Variants in NELL1 observed in about 807,000 individuals in gnomAD.
NELL1 encodes neural EGFL like 1.
Under a neutral mutation model 107.4 loss-of-function variants are expected in NELL1, and 76 were observed. The observed-to-expected ratio is 0.71, with a 90% CI of 0.59 to 0.86. The LOEUF is 0.86. Ranked by LOEUF, NELL1 falls within the 40% of genes least tolerant of loss-of-function variation. The pLI is 0.00. For missense variants in NELL1, 1,024 were observed against 1,005.5 expected, an observed-to-expected ratio of 1.02 and a Z score of -0.25; for synonymous variants, 353 against 341.2, an observed-to-expected ratio of 1.03 and a Z score of -0.38.
chr11:20,986,057 GT>G lies in NELL1; in HGVS notation c.1300+25506del, dbSNP rs891894366. Among the ~76,000 whole-genome samples the G allele has an allele frequency of 1.9e-4, 29 of 150,690 alleles. No individual in the cohort carries two copies. In the East Asian group the frequency reaches 3.3e-3, roughly 17 times the overall value. On this transcript the variant is annotated intron_variant, in intron 12 of 19. Transcript: ENST00000357134. ...ATGAGCTACACTTGATATGAAGTTT[GT>G]TTTTTTTTGGCTCACAGGCACTTTG...
intron 15 of NELL1, among the ~76,000 whole-genome samples, chr11:21,449,014 G>A (rs373962709): frequency 6.6e-6 from 1 of 152,032 alleles, no homozygotes; most frequent in South Asian, 2.1e-4. Context: ...AATCTGCTAC[G>A]AGTATTAATA....
At chr11:21,085,485 A>T (rs892342773) in intron 12 of NELL1, among the ~76,000 whole-genome samples, 1 of 152,154 alleles carries the variant, frequency 6.6e-6, no homozygotes, top group Non-Finnish European at 1.5e-5. Flanking sequence ...AATCTTAAAA[A>T]ATTAGCCAGT....
intron 15 of NELL1, among the ~76,000 whole-genome samples, chr11:21,430,409 A>G (rs1429265379): frequency 1.3e-5 from 2 of 152,104 alleles, no homozygotes; most frequent in South Asian, 2.1e-4. Context: ...TCTTATAAGC[A>G]TCTTTTTTCT....
At chr11:21,395,956 G>C (rs970924861) in intron 15 of NELL1, among the ~76,000 whole-genome samples, 2 of 151,514 alleles carry the variant, frequency 1.3e-5, no homozygotes, top group Non-Finnish European at 3.0e-5. Flanking sequence ...ATGTAACCTA[G>C]AGAGACCAAG....
In NELL1 at chr11:21,374,887, CTGTGTGTGT is replaced by C. The variant is rs1405002634; in HGVS notation, c.1645+3940_1645+3948del. ...GCTGTGTGGAACTGACTGTGTGTGT[CTGTGTGTGT>C]GTGTGTGTGTGTGTGTGTGTGTGTG... On this transcript the variant is annotated intron_variant, in intron 15 of 19. Transcript: ENST00000357134. Among the ~76,000 whole-genome samples, 729 of 143,850 alleles carry C rather than the reference CTGTGTGTGT, an allele frequency of 5.1e-3. 5 individuals are homozygous for C. Among genetic ancestry groups the C allele is most frequent in the African/African-American group, 0.018 (677 of 38,442 alleles). The allele number at this position is 143,850 out of a possible 152,430, so 94.4% of individuals were successfully genotyped here.
At chr11:20,922,188 A>G (rs1850394667) in intron 7 of NELL1, among the ~76,000 whole-genome samples, 1 of 151,982 alleles carries the variant, frequency 6.6e-6, no homozygotes, top group Non-Finnish European at 1.5e-5. Flanking sequence ...CTGTCCCCCT[A>G]TACCCTGTGC....
chr11:21,198,129 A>G (rs1162721390), intron 13 of NELL1, among the ~76,000 whole-genome samples: 1 of 152,164 alleles, frequency 6.6e-6, no homozygotes, highest in Non-Finnish European at 1.5e-5. Flanking sequence ...TCCTGGGTTG[A>G]TATTCCTCCA....
chr11:20,861,363 C>T (rs977649623), intron 4 of NELL1, among the ~76,000 whole-genome samples: 8 of 152,158 alleles, frequency 5.3e-5, no homozygotes, highest in African/African-American at 1.4e-4. Flanking sequence ...GGAACATATT[C>T]AGGAGGAATG....
chr11:21,443,863 AAAAG>A (rs1853353232), intron 15 of NELL1, among the ~76,000 whole-genome samples: 1 of 105,598 alleles, frequency 9.5e-6, no homozygotes, highest in South Asian at 3.2e-4. Flanking sequence ...GTCTCAAAGA[AAAAG>A]AAAAAAAAAA....
At chr11:20,741,453 C>A (rs1826899173) in intron 2 of NELL1, among the ~76,000 whole-genome samples, 1 of 152,188 alleles carries the variant, frequency 6.6e-6, no homozygotes, top group Admixed American at 6.5e-5. Context: ...TGTGATTAAA[C>A]TGACCTCCAG....
At chr11:21,494,472 T>A (rs1217818591) in intron 15 of NELL1, among the ~76,000 whole-genome samples, 1 of 152,008 alleles carries the variant, frequency 6.6e-6, no homozygotes, top group Non-Finnish European at 1.5e-5. Context: ...TCCTTCACAT[T>A]TTAAAATATG....
chr11:21,364,394 C>A (rs1851163200), intron 14 of NELL1, among the ~76,000 whole-genome samples: 1 of 109,738 alleles, frequency 9.1e-6, no homozygotes, highest in Non-Finnish European at 1.7e-5. Flanking sequence ...CTGGGAGACA[C>A]AGCAAGACTC....
At chr11:20,987,234 A>G (rs1360888788) in intron 12 of NELL1, among the ~76,000 whole-genome samples, 1 of 152,136 alleles carries the variant, frequency 6.6e-6, no homozygotes, top group Non-Finnish European at 1.5e-5. Flanking sequence ...ATCCTTAACT[A>G]ACTTAACCTT....
intron 5 of NELL1, among the ~76,000 whole-genome samples, chr11:20,901,171 C>G (rs550596408): frequency 6.6e-6 from 1 of 152,094 alleles, no homozygotes; most frequent in South Asian, 2.1e-4. Context: ...TAGTTATTAA[C>G]TTATATATTG....
intron 13 of NELL1, among the ~76,000 whole-genome samples, chr11:21,224,468 G>A (rs375254859): frequency 6.6e-6 from 1 of 150,570 alleles, no homozygotes; most frequent in Admixed American, 6.6e-5. Context: ...CTATCCTCCT[G>A]TCTCAGCCTC....
intron 13 of NELL1, 91 bp downstream of exon 13, chr11:21,113,805 A>G (rs1300258583): frequency 3.0e-6 from 4 of 1,339,300 alleles, no homozygotes; most frequent in Admixed American, 2.4e-5. Context: ...TGCACAAAGT[A>G]CTATTTTTAT....
At chr11:20,878,052 T>C (rs1590372719) in intron 4 of NELL1, among the ~76,000 whole-genome samples, 1 of 152,160 alleles carries the variant, frequency 6.6e-6, no homozygotes, top group East Asian at 1.9e-4. Flanking sequence ...CAGTAAATCA[T>C]GTGCTTTTCA....
chr11:21,044,767 C>T (rs1853316320), intron 12 of NELL1, among the ~76,000 whole-genome samples: 1 of 151,928 alleles, frequency 6.6e-6, no homozygotes, highest in African/African-American at 2.4e-5. Context: ...GAGAGTGTTT[C>T]TATATTAGAC....
intron 15 of NELL1, among the ~76,000 whole-genome samples, chr11:21,391,176 G>T (rs986006150): frequency 4.6e-5 from 7 of 151,742 alleles, no homozygotes; most frequent in Admixed American, 2.0e-4. Context: ...TCAGAATATT[G>T]TAGGATTAAG....
Sources: gnomAD v4.1 joint callset for allele counts (sites outside exome capture counted in the v4.1 genomes callset) on GRCh38, gnomAD v4.1.1 for gene constraint, MANE v1.5 for transcripts, NCBI Gene and HGNC (gene_info 2026-07-23, HGNC 2026-07-21) for gene names.